Variants in NME7 observed in about 807,000 individuals in gnomAD.
NME7 encodes NME/NM23 family member 7.
NME7 carries 41 observed loss-of-function variants against 49.1 expected under a neutral mutation model. The ratio of observed to expected loss-of-function variants is 0.83; its 90% CI spans 0.65 to 1.08. The LOEUF is 1.08. NME7 is among the 50% of genes least tolerant of loss of function. The pLI is 0.00. For synonymous variants in NME7, 139 were observed against 150.6 expected, an observed-to-expected ratio of 0.92 and a Z score of 0.56; for missense variants, 423 against 463.4, an observed-to-expected ratio of 0.91 and a Z score of 0.80.
chr1:169,283,356 G>T lies in NME7; in HGVS notation c.754+3947C>A, dbSNP rs571450727. Among the ~76,000 whole-genome samples the T allele has an allele frequency of 6.7e-4, 102 of 152,120 alleles. 1 individual carries two copies. Among genetic ancestry groups the T allele is most frequent in the African/African-American group, 2.3e-3 (94 of 41,500 alleles). ...ATATGTGTCTTTGCAAGTGAGATGG[G>T]TCTCCTGAATACAGCACACTGATGG... On this transcript the variant is annotated intron_variant, in intron 7 of 11. Transcript: ENST00000367811.
chr1:169,346,280 T>G (rs1401059262), intron 1 of NME7, among the ~76,000 whole-genome samples: 1 of 152,148 alleles, frequency 6.6e-6, no homozygotes, highest in East Asian at 1.9e-4. Context: ...CCACTTTCAA[T>G]AGCCCACAAA....
At chr1:169,290,268 T>C (rs1240994280) in intron 6 of NME7, among the ~76,000 whole-genome samples, 3 of 152,076 alleles carry the variant, frequency 2.0e-5, no homozygotes, top group South Asian at 2.1e-4. Context: ...GTACTTGTAA[T>C]AGTAATTTAA....
intron 1 of NME7, among the ~76,000 whole-genome samples, chr1:169,332,114 A>T (rs1464782751): frequency 6.6e-6 from 1 of 152,140 alleles, no homozygotes; most frequent in Non-Finnish European, 1.5e-5. Flanking sequence ...ACTGACATAA[A>T]AACAGACACA....
chr1:169,355,642 A>G, intron 1 of NME7, among the ~76,000 whole-genome samples: 1 of 151,716 alleles, frequency 6.6e-6, no homozygotes, highest in East Asian at 1.9e-4. Context: ...AGACAGCTCT[A>G]GGGCTAGGAT....
intron 4 of NME7, among the ~76,000 whole-genome samples, chr1:169,304,897 T>C (rs932809151): frequency 6.6e-6 from 1 of 152,140 alleles, no homozygotes; most frequent in South Asian, 2.1e-4. Flanking sequence ...TAAAATGGGG[T>C]AAAACTGAAT....
chr1:169,323,839 T>C (rs1651951321), intron 2 of NME7, among the ~76,000 whole-genome samples: 1 of 76,412 alleles, frequency 1.3e-5, no homozygotes, highest in Non-Finnish European at 3.5e-5. Flanking sequence ...TTCAGTCTTT[T>C]TTTTTTTTTT....
intron 11 of NME7, chr1:169,168,725 G>A (rs997833497): frequency 2.6e-6 from 1 of 387,284 alleles, no homozygotes; most frequent in Non-Finnish European, 5.0e-6. Context: ...TACTAATGCT[G>A]TTGACCGGGA....
intron 10 of NME7, among the ~76,000 whole-genome samples, chr1:169,213,404 C>T (rs997191432): frequency 5.3e-5 from 8 of 152,034 alleles, no homozygotes; most frequent in Non-Finnish European, 8.8e-5. Context: ...ACTACAGCCT[C>T]GAGTACCTCT....
At chr1:169,342,885 TAC>T (rs772259736) in intron 1 of NME7, among the ~76,000 whole-genome samples, 7,757 of 63,006 alleles carry the variant, frequency 0.12, 2,069 homozygotes, top group Non-Finnish European at 0.22. Flanking sequence ...ATAGTATATA[TAC>T]ATATATACAA....
intron 7 of NME7, among the ~76,000 whole-genome samples, chr1:169,253,744 C>T (rs995579766): frequency 6.6e-6 from 1 of 151,988 alleles, no homozygotes; most frequent in Non-Finnish European, 1.5e-5. Context: ...CCCATCAATA[C>T]CTAATTTATT....
At chr1:169,147,269 ACT>A (rs1658783765) in intron 11 of NME7, among the ~76,000 whole-genome samples, 2 of 152,000 alleles carry the variant, frequency 1.3e-5, no homozygotes, top group Non-Finnish European at 2.9e-5. Flanking sequence ...AAATATTCTG[ACT>A]CTATTTCCTA....
At chr1:169,312,210 A>G (rs771130209) in intron 3 of NME7, among the ~76,000 whole-genome samples, 2 of 152,240 alleles carry the variant, frequency 1.3e-5, no homozygotes, top group Admixed American at 6.5e-5. Flanking sequence ...AGCTGAGACA[A>G]CTAGGCTTTT....
At chr1:169,238,479 A>G (rs1158652248) in intron 7 of NME7, among the ~76,000 whole-genome samples, 7 of 103,754 alleles carry the variant, frequency 6.7e-5, no homozygotes, top group South Asian at 2.7e-4. Context: ...GCACAAAGGC[A>G]CACACACACA....
chr1:169,290,572 C>A (rs184140519), intron 6 of NME7, among the ~76,000 whole-genome samples: 1 of 152,106 alleles, frequency 6.6e-6, no homozygotes, highest in Non-Finnish European at 1.5e-5. Context: ...TAGAAGAAAA[C>A]CTCAGCAATA....
At chr1:169,355,005 TG>T (rs1557837158) in intron 1 of NME7, among the ~76,000 whole-genome samples, 1 of 45,340 alleles carries the variant, frequency 2.2e-5, no homozygotes, top group Non-Finnish European at 5.5e-5. Flanking sequence ...TAATTATATA[TG>T]TTTATATATA....
chr1:169,307,401 G>A (rs1456237398), intron 4 of NME7, among the ~76,000 whole-genome samples: 1 of 152,210 alleles, frequency 6.6e-6, no homozygotes, highest in Non-Finnish European at 1.5e-5. Context: ...AAAAGGAAGT[G>A]CATAACTACA....
rs1649152875 is a variant in NME7, at chr1:169,261,220, G to T, written c.755-23533C>A. 1.5e-5 allele frequency among the ~76,000 whole-genome samples: 2 copies of T among 134,178 alleles called. 1 individual carries two copies. Among genetic ancestry groups the T allele is most frequent in the Non-Finnish European group, 3.5e-5 (2 of 56,996 alleles). 88.0% of individuals were successfully genotyped at this position (134,178 alleles called of 152,430 possible). On this transcript the variant is annotated intron_variant, in intron 7 of 11. Transcript: ENST00000367811. The stretch of plus-strand genomic sequence containing the variant: ...AGCTTATAAGTGATATTTATTGTTT[G>T]TGGTATTTATAGTTCTGAAGTTATT...
intron 6 of NME7, among the ~76,000 whole-genome samples, chr1:169,294,747 G>A (rs889191650): frequency 1.3e-5 from 2 of 152,080 alleles, no homozygotes; most frequent in African/African-American, 2.4e-5. Flanking sequence ...GGAACTAATG[G>A]CAGAAAGAGG....
chr1:169,222,543 T>G, intron 10 of NME7, among the ~76,000 whole-genome samples: 1 of 152,338 alleles, frequency 6.6e-6, no homozygotes, highest in Non-Finnish European at 1.5e-5. Context: ...TGATTCTGAA[T>G]AGTAATTTGT....
Sources: allele counts gnomAD v4.1 joint callset (sites outside exome capture counted in the v4.1 genomes callset), GRCh38; gene constraint gnomAD v4.1.1; transcripts MANE v1.5; gene names NCBI Gene and HGNC (gene_info 2026-07-23, HGNC 2026-07-21).